OTOG: variants seen among roughly 807,000 people sequenced by gnomAD.
OTOG encodes otogelin.
OTOG carries 296 observed loss-of-function variants against 313.8 expected under a neutral mutation model. That is an observed-to-expected ratio of 0.94 (90% CI 0.86 to 1.04). The LOEUF (loss-of-function observed/expected upper bound fraction) is 1.04, where lower values mean the gene tolerates loss of function less well. OTOG is among the 50% of genes least tolerant of loss of function. The pLI is 0.00. For missense variants in OTOG, 3,948 were observed against 3,840.1 expected, an observed-to-expected ratio of 1.03 and a Z score of -0.74; for synonymous variants, 1,533 against 1,554.9, an observed-to-expected ratio of 0.99 and a Z score of 0.33.
At position 17,548,418 on chromosome 11, in the gene OTOG, C is replaced by CTTTTTTTTTT. The variant is rs56402246; in HGVS notation, c.216+235_216+244dup. ...ATCTCTTGGGGGTCTATAGTCCACT[C>CTTTTTTTTTT]TTTTTTTTTTTTTTTTTTTTTTTTT... On this transcript the variant is annotated intron_variant, in intron 3 of 55. Coordinates refer to ENST00000399397, the MANE Select transcript of OTOG (RefSeq NM_001292063.2). Among the ~76,000 whole-genome samples the CTTTTTTTTTT allele has an allele frequency of 9.1e-5, 8 of 87,630 alleles. 1 individual carries two copies. Among genetic ancestry groups the CTTTTTTTTTT allele is most frequent in the East Asian group, 5.9e-4 (2 of 3,406 alleles). The allele number at this position is 87,630 out of a possible 152,430, so 57.5% of individuals were successfully genotyped here. A position where few individuals can be genotyped will look rare whatever the true frequency, so the allele number is the denominator to read the frequency against.
intron 40 of OTOG, among the ~76,000 whole-genome samples, chr11:17,630,185 A>G (rs1854085151): frequency 6.6e-6 from 1 of 152,190 alleles, no homozygotes; most frequent in Non-Finnish European, 1.5e-5. Flanking sequence ...AACAAAACAG[A>G]CAAAATCCCT....
chr11:17,635,269 G>A (rs1400815426), intron 46 of OTOG, 82 bp downstream of exon 46: 2 of 1,172,392 alleles, frequency 1.7e-6, no homozygotes, highest in Middle Eastern at 2.8e-4. Context: ...GGGCAGCTGG[G>A]AGGAAAGGCT....
intron 25 of OTOG, among the ~76,000 whole-genome samples, chr11:17,591,819 T>C (rs935142057): frequency 6.6e-6 from 1 of 152,258 alleles, no homozygotes; most frequent in African/African-American, 2.4e-5. Flanking sequence ...CTTGCTCTGT[T>C]GGGTCCCAGT....
intron 23 of OTOG, among the ~76,000 whole-genome samples, chr11:17,584,062 G>A (rs150979521): frequency 1.3e-5 from 2 of 152,178 alleles, no homozygotes; most frequent in East Asian, 1.9e-4. Flanking sequence ...TGCTGTTTTT[G>A]TTGATGTTAT....
rs1440986349 is a variant in OTOG, at chr11:17,562,046, A to AAAAAT, written c.1644+240_1644+241insAAATA. Among the ~76,000 whole-genome samples, 10 of 139,830 alleles carry AAAAAT rather than the reference A, an allele frequency of 7.2e-5. No homozygotes were observed. The East Asian group carries it at 1.7e-3, about 23-fold the overall frequency. 91.7% of individuals were successfully genotyped at this position (139,830 alleles called of 152,430 possible). On this transcript the variant is annotated intron_variant, in intron 15 of 55. Coordinates refer to ENST00000399397, the MANE Select transcript of OTOG (RefSeq NM_001292063.2). ...TTAGGATTTTACTACCTAAAAAAAA[A>AAAAAT]ATATATATATATATATATATATATA...
chr11:17,625,672 T>C (rs978226993), intron 39 of OTOG, among the ~76,000 whole-genome samples: 2 of 152,228 alleles, frequency 1.3e-5, no homozygotes, highest in East Asian at 3.8e-4. Context: ...TATAGAGTTG[T>C]TTGAGGTCCT....
At chr11:17,586,750 G>A (rs530511558) in intron 24 of OTOG, among the ~76,000 whole-genome samples, 169 bp downstream of exon 24, 10 of 152,310 alleles carry the variant, frequency 6.6e-5, no homozygotes, top group African/African-American at 1.9e-4. Flanking sequence ...AGGAGTATAT[G>A]CATACAAAGG....
At chr11:17,550,207 C>G (rs1851904200) in intron 3 of OTOG, among the ~76,000 whole-genome samples, 1 of 152,178 alleles carries the variant, frequency 6.6e-6, no homozygotes, top group African/African-American at 2.4e-5. Flanking sequence ...GTTGCTGTCT[C>G]AAGATATCAT....
chr11:17,572,455 A>G (rs1245182265), intron 18 of OTOG, among the ~76,000 whole-genome samples: 1 of 152,184 alleles, frequency 6.6e-6, no homozygotes, highest in Non-Finnish European at 1.5e-5. Flanking sequence ...GCAAAAGCGG[A>G]AGTCGGCCCC....
intron 32 of OTOG, among the ~76,000 whole-genome samples, chr11:17,603,587 G>C (rs928357827): frequency 6.6e-6 from 1 of 152,136 alleles, no homozygotes; most frequent in African/African-American, 2.4e-5. Flanking sequence ...CATGGGCCCA[G>C]TGGGGACCCA....
chr11:17,632,170 T>C lies in OTOG; in HGVS notation c.7016T>C (p.Val2339Ala). 6.4e-7 allele frequency: 1 copy of C among 1,551,158 alleles called. No individual in the cohort carries two copies. Among genetic ancestry groups the C allele is most frequent in the Non-Finnish European group, 8.7e-7 (1 of 1,147,004 alleles). ...CCCTGCGTGGCCCTGACTGTGTACGTGGCCATGTGCCACAAATTTCATGTG... is the reference window on the plus strand; with the variant it reads ...CCCTGCGTGGCCCTGACTGTGTACGCGGCCATGTGCCACAAATTTCATGTG... ...QQPCVALTVY[V>A]AMCHKFHVCI... The change falls in exon 42 of 56, where the codon GTG (valine) becomes GCG (alanine). Residue 2339 changes from valine to alanine, a missense_variant. Coordinates refer to ENST00000399397, the MANE Select transcript of OTOG (RefSeq NM_001292063.2).
chr11:17,573,102 G>T lies in OTOG; in HGVS notation c.2105G>T (p.Ser702Ile). Reference sequence around the variant, plus strand: ...GCCTCCTACTCAGTGCAGGCCTGCAGCGTGCTCACGGGGGAGATGTTTGCG... The same window carrying T: ...GCCTCCTACTCAGTGCAGGCCTGCATCGTGCTCACGGGGGAGATGTTTGCG... ...QAASYSVQAC[S>I]VLTGEMFAPC... Residue 702 changes from serine (S) to isoleucine (I), a missense_variant, in exon 19 of 56, where the codon AGC (serine) becomes ATC (isoleucine). Transcript: ENST00000399397. 1 of 1,548,410 alleles carries T rather than the reference G, an allele frequency of 6.5e-7. No individual in the cohort carries two copies.
chr11:17,601,383 G>C (rs1853245906), intron 31 of OTOG, among the ~76,000 whole-genome samples: 1 of 152,070 alleles, frequency 6.6e-6, no homozygotes, highest in African/African-American at 2.4e-5. Flanking sequence ...ACTACTCTGA[G>C]TGGGTGGAAC....
rs140846615 is a variant in OTOG at position 17,561,286 on chromosome 11, C to G, written c.1498+149C>G. The G allele has an allele frequency of 6.0e-4, 597 of 1,001,330 alleles. 2 individuals are homozygous for G. In the African/African-American group the frequency reaches 8.2e-3, roughly 14 times the overall value. The allele number at this position is 1,001,330 out of a possible 1,614,324, so 62.0% of individuals were successfully genotyped here. A position where few individuals can be genotyped will look rare whatever the true frequency, so the allele number is the denominator to read the frequency against. On this transcript the variant is annotated intron_variant, in intron 14 of 55. Coordinates refer to ENST00000399397, the MANE Select transcript of OTOG (RefSeq NM_001292063.2). ...CCCGACCCCTGTTTCCTCAGAATCA[C>G]TTTGCCTGATTAAGGTCTGGCTCCA...
At chr11:17,550,259 C>A (rs1851905586) in intron 3 of OTOG, among the ~76,000 whole-genome samples, 1 of 152,036 alleles carries the variant, frequency 6.6e-6, no homozygotes, top group African/African-American at 2.4e-5. Context: ...GTGATAAGGC[C>A]CACTGCTAGA....
chr11:17,570,081 CA>C, intron 16 of OTOG, 131 bp from the exon 17 acceptor site: 1 of 663,652 alleles, frequency 1.5e-6, no homozygotes, highest in Non-Finnish European at 2.4e-6. Flanking sequence ...GGCAGGCACG[CA>C]GGCAGGCAGG....
chr11:17,632,409 T>G (rs1854153232), intron 42 of OTOG, among the ~76,000 whole-genome samples, 183 bp downstream of exon 42: 1 of 152,090 alleles, frequency 6.6e-6, no homozygotes, highest in South Asian at 2.1e-4. Flanking sequence ...ATTTTTATAT[T>G]ATATAAAAGT....
intron 42 of OTOG, among the ~76,000 whole-genome samples, chr11:17,633,169 C>T (rs964347703): frequency 4.6e-5 from 7 of 152,264 alleles, no homozygotes; most frequent in African/African-American, 1.2e-4. Flanking sequence ...ACCTCAAAAA[C>T]TCCCAAAGGA....
In OTOG at chr11:17,609,186, A is replaced by G; in HGVS notation, c.4331A>G (p.Gln1444Arg). The G allele has an allele frequency of 6.5e-7, 1 of 1,550,180 alleles. No individual in the cohort carries two copies. The highest frequency in any genetic ancestry group is 8.7e-7 in the Non-Finnish European group (1 of 1,146,608). Residue 1444 changes from glutamine (Q) to arginine (R), a missense_variant, in exon 35 of 56, where the codon CAG (glutamine) becomes CGG (arginine). Gln to Arg is a conservative substitution (Grantham distance 43). Coordinates refer to ENST00000399397, the MANE Select transcript of OTOG (RefSeq NM_001292063.2). ...PTPQVLDEVTQRCVYLEDCVE... is the reference protein window; with the variant it reads ...PTPQVLDEVTRRCVYLEDCVE... ...CCCCAGGTCCTGGATGAAGTCACAC[A>G]GAGATGTGTCTACTTGGAGGACTGT...
Sources: allele counts gnomAD v4.1 joint callset (sites outside exome capture counted in the v4.1 genomes callset), GRCh38; gene constraint gnomAD v4.1.1; transcripts MANE v1.5; gene names NCBI Gene and HGNC (gene_info 2026-07-23, HGNC 2026-07-21).